SAMD12: variants seen among roughly 807,000 people sequenced by gnomAD.
The protein encoded by SAMD12 is sterile alpha motif domain-containing protein 12.
A neutral mutation model predicts 15.0 loss-of-function variants in SAMD12; 9 were observed. The observed-to-expected ratio is 0.60, with a 90% CI of 0.36 to 1.05. The LOEUF (loss-of-function observed/expected upper bound fraction) is 1.05, where lower values mean the gene tolerates loss of function less well. SAMD12 is among the 50% of genes least tolerant of loss of function. The probability of loss-of-function intolerance (pLI) is 0.01; values close to 1 mark genes in which losing one functional copy is unlikely to be tolerated. For synonymous variants in SAMD12, 86 were observed against 90.1 expected, an observed-to-expected ratio of 0.96 and a Z score of 0.25; for missense variants, 230 against 234.2, an observed-to-expected ratio of 0.98 and a Z score of 0.12.
chr8:118,170,444 C>A, the SAMD12 span, among the ~76,000 whole-genome samples: 1 of 152,092 alleles, frequency 6.6e-6, no homozygotes, highest in Non-Finnish European at 1.5e-5. Context: ...ACACATAATT[C>A]TCAACCAATA....
At chr8:118,582,224 T>C (rs1380438254) in intron 1 of SAMD12, among the ~76,000 whole-genome samples, 1 of 152,132 alleles carries the variant, frequency 6.6e-6, no homozygotes, top group Non-Finnish European at 1.5e-5. Context: ...CTCCCAAATA[T>C]TAACTGCAGC....
chr8:118,607,573 C>G (rs1828015121), intron 1 of SAMD12, among the ~76,000 whole-genome samples: 1 of 152,190 alleles, frequency 6.6e-6, no homozygotes, highest in Admixed American at 6.5e-5. Context: ...TCATCTTTAT[C>G]AAATTTCAAC....
At chr8:118,586,846 G>A (rs937888491) in intron 1 of SAMD12, among the ~76,000 whole-genome samples, 11 of 152,162 alleles carry the variant, frequency 7.2e-5, no homozygotes, top group Admixed American at 2.0e-4. Flanking sequence ...TAGATATGAT[G>A]GAAAGATACT....
intron 4 of SAMD12, among the ~76,000 whole-genome samples, chr8:118,283,217 T>G (rs1164698156): frequency 6.6e-6 from 1 of 152,240 alleles, no homozygotes; most frequent in East Asian, 1.9e-4. Flanking sequence ...AAATATTGTT[T>G]CTTGACAAAA....
chr8:118,336,066 A>C (rs1283982780), intron 4 of SAMD12, among the ~76,000 whole-genome samples: 3 of 152,180 alleles, frequency 2.0e-5, no homozygotes, highest in Admixed American at 2.0e-4. Context: ...TGATGTAAGG[A>C]GATGTTACTT....
chr8:118,518,518 G>C (rs1825305945), intron 2 of SAMD12, among the ~76,000 whole-genome samples: 1 of 152,120 alleles, frequency 6.6e-6, no homozygotes. Context: ...AAATTACAGA[G>C]ATTGTTATTC....
chr8:118,391,126 T>C (rs887244039), intron 3 of SAMD12, among the ~76,000 whole-genome samples: 2 of 152,120 alleles, frequency 1.3e-5, no homozygotes, highest in Non-Finnish European at 2.9e-5. Flanking sequence ...CCAAATCCCA[T>C]CCAAAAAATT....
intron 4 of SAMD12, among the ~76,000 whole-genome samples, chr8:118,248,341 G>T (rs764490647): frequency 1.3e-5 from 2 of 152,150 alleles, no homozygotes; most frequent in Non-Finnish European, 2.9e-5. Context: ...TACACACGGA[G>T]TCCTGTTCTT....
intron 4 of SAMD12, among the ~76,000 whole-genome samples, chr8:118,358,851 A>G (rs559323298): frequency 9.2e-5 from 14 of 152,208 alleles, no homozygotes; most frequent in Non-Finnish European, 2.1e-4. Flanking sequence ...AGTATATCCA[A>G]TTCACTGGAT....
chr8:118,477,070 CT>C (rs56341509), intron 2 of SAMD12, among the ~76,000 whole-genome samples: 105,572 of 142,766 alleles, frequency 0.74, 38,866 homozygotes, highest in Middle Eastern at 0.81. Flanking sequence ...CTTTCTTTTT[CT>C]TTTTTTTTTT....
At chr8:118,610,788 C>T (rs1285120665) in intron 1 of SAMD12, among the ~76,000 whole-genome samples, 1 of 152,158 alleles carries the variant, frequency 6.6e-6, no homozygotes, top group East Asian at 1.9e-4. Flanking sequence ...GAGCTTCAGT[C>T]TCTCTCCCCA....
chr8:118,279,947 A>G (rs1813572844), intron 4 of SAMD12, among the ~76,000 whole-genome samples: 1 of 152,214 alleles, frequency 6.6e-6, no homozygotes, highest in Non-Finnish European at 1.5e-5. Context: ...CACATGCCCT[A>G]TGTTGGCAAG....
intron 2 of SAMD12, among the ~76,000 whole-genome samples, chr8:118,493,963 C>G (rs1028063620): frequency 2.6e-5 from 4 of 152,184 alleles, no homozygotes; most frequent in African/African-American, 7.2e-5. Flanking sequence ...TTTCTCCTGT[C>G]TCCTTGCCAA....
intron 4 of SAMD12, among the ~76,000 whole-genome samples, chr8:118,346,495 T>C (rs747695323): frequency 6.6e-6 from 1 of 152,214 alleles, no homozygotes; most frequent in Non-Finnish European, 1.5e-5. Context: ...AATAATTATG[T>C]GGGCTAATGT....
chr8:118,242,428 C>G (rs1026841707), intron 4 of SAMD12, among the ~76,000 whole-genome samples: 3 of 152,048 alleles, frequency 2.0e-5, no homozygotes, highest in Non-Finnish European at 4.4e-5. Context: ...ATCCTTGGTA[C>G]AGTAGGTACA....
At chr8:118,341,619 A>G (rs1037634972) in intron 4 of SAMD12, among the ~76,000 whole-genome samples, 7 of 151,964 alleles carry the variant, frequency 4.6e-5, no homozygotes, top group African/African-American at 1.5e-4. Flanking sequence ...GCAGATGCCA[A>G]CCTCTCCTTG....
intron 2 of SAMD12, among the ~76,000 whole-genome samples, chr8:118,572,232 T>C (rs949398581): frequency 6.6e-6 from 1 of 152,246 alleles, no homozygotes; most frequent in Non-Finnish European, 1.5e-5. Flanking sequence ...AATGGCTGTA[T>C]TTACCCAATG....
intron 4 of SAMD12, among the ~76,000 whole-genome samples, chr8:118,294,798 A>G (rs1259907463): frequency 2.6e-5 from 4 of 152,200 alleles, no homozygotes; most frequent in African/African-American, 9.6e-5. Context: ...TTCTCCTGTT[A>G]TGTGCTCTCT....
chr8:118,299,875 T>C (rs1272645949), intron 4 of SAMD12, among the ~76,000 whole-genome samples: 1 of 152,096 alleles, frequency 6.6e-6, no homozygotes, highest in African/African-American at 2.4e-5. Flanking sequence ...GATTGATTCA[T>C]TCTCGTCTCA....
Sources: gnomAD v4.1 joint callset for allele counts (sites outside exome capture counted in the v4.1 genomes callset) on GRCh38, gnomAD v4.1.1 for gene constraint, MANE v1.5 for transcripts, NCBI Gene and HGNC (gene_info 2026-07-23, HGNC 2026-07-21) for gene names.